TMTC1: variants seen among roughly 807,000 people sequenced by gnomAD.
The protein encoded by TMTC1 is transmembrane O-mannosyltransferase targeting cadherins 1, also known as protein O-mannosyl-transferase TMTC1.
TMTC1 carries 73 observed loss-of-function variants against 104.8 expected under a neutral mutation model. That is an observed-to-expected ratio of 0.70 (90% confidence interval 0.58 to 0.85). The LOEUF (loss-of-function observed/expected upper bound fraction) is 0.85. Ranked by LOEUF, TMTC1 falls within the 40% of genes least tolerant of loss-of-function variation. The pLI is 0.00. For synonymous variants in TMTC1, 434 were observed against 428.7 expected (o/e 1.01, Z -0.15); for missense variants, 1,035 against 1,096.1 (o/e 0.94, Z 0.79).
At chr12:29,582,614 A>G (rs1009480640) in intron 8 of TMTC1, among the ~76,000 whole-genome samples, 1 of 151,998 alleles carries the variant, frequency 6.6e-6, no homozygotes, top group Non-Finnish European at 1.5e-5. Context: ...ACTTCCCTTA[A>G]TTCTGTATGC....
In TMTC1 at chr12:29,520,736, A is replaced by C. The variant is rs774198932; in HGVS notation, c.1786-16T>G. The C allele has an allele frequency of 2.5e-6, 4 of 1,591,496 alleles. No homozygotes were observed. The highest frequency in any genetic ancestry group is 2.6e-6 in the Non-Finnish European group (3 of 1,168,166). On this transcript the variant is annotated splice_polypyrimidine_tract_variant and intron_variant, in intron 11 of 17. Coordinates refer to ENST00000539277, the MANE Select transcript of TMTC1 (RefSeq NM_001193451.2). ...TAAACCGCTCCTTTAAAAAGAAAGA[A>C]ACAAACAAAATAAGTGAGAAAGCTT...
chr12:29,681,994 T>C (rs1010981633), intron 5 of TMTC1, among the ~76,000 whole-genome samples: 1 of 152,168 alleles, frequency 6.6e-6, no homozygotes, highest in Non-Finnish European at 1.5e-5. Flanking sequence ...CAGTGTTTTT[T>C]AAGGATACTT....
At position 29,506,947 on chromosome 12, in the gene TMTC1, A is replaced by T; in HGVS notation, c.2548T>A (p.Leu850Ile). The change falls in exon 18 of 18, where the codon TTA becomes ATA. Residue 850 changes from leucine to isoleucine, a missense_variant. Transcript: ENST00000539277. ...VSARAYYERALQLVPDSKLLK... is the reference protein window; with the variant it reads ...VSARAYYERAIQLVPDSKLLK... ...AGTTTGCTGTCTGGAACCAGCTGTAAGGCTCTCTCATAATAAGCTCTTGCA... is the reference window on the plus strand; with the variant it reads ...AGTTTGCTGTCTGGAACCAGCTGTATGGCTCTCTCATAATAAGCTCTTGCA... The T allele has an allele frequency of 1.2e-6, 2 of 1,614,042 alleles. No homozygotes were observed. The highest frequency in any genetic ancestry group is 2.2e-5 in the South Asian group (2 of 91,078).
intron 5 of TMTC1, among the ~76,000 whole-genome samples, chr12:29,670,173 TA>T (rs1211615027): frequency 1.3e-5 from 2 of 152,252 alleles, no homozygotes; most frequent in Non-Finnish European, 2.9e-5. Flanking sequence ...ACTATAATGA[TA>T]TTTTCTGATC....
intron 5 of TMTC1, among the ~76,000 whole-genome samples, chr12:29,695,585 G>A (rs551201262): frequency 3.3e-5 from 5 of 151,680 alleles, no homozygotes; most frequent in South Asian, 2.1e-4. Context: ...GATTACAGGC[G>A]TGAGCCACCG....
intron 5 of TMTC1, among the ~76,000 whole-genome samples, chr12:29,713,091 C>A (rs1048250300): frequency 1.3e-5 from 2 of 151,838 alleles, no homozygotes; most frequent in African/African-American, 2.4e-5. Flanking sequence ...GAAAAAGACT[C>A]AGGTCCCCCA....
rs541037508 is a variant in TMTC1, at chr12:29,663,650, A to G, written c.939-30314T>C. Among the ~76,000 whole-genome samples, 9 of 151,272 alleles carry G rather than the reference A, an allele frequency of 5.9e-5. No individual in the cohort carries two copies. The South Asian group carries it at 6.3e-4, about 11-fold the overall frequency. On this transcript the variant is annotated intron_variant, in intron 5 of 17. Coordinates refer to ENST00000539277, the MANE Select transcript of TMTC1 (RefSeq NM_001193451.2). ...TCCTGCCTCATCCTCATGAGTAGCTAGGATTACAGGAGCCCGCCACCATGC... is the reference window on the plus strand; with the variant it reads ...TCCTGCCTCATCCTCATGAGTAGCTGGGATTACAGGAGCCCGCCACCATGC...
chr12:29,582,801 C>T (rs913733709), intron 8 of TMTC1, among the ~76,000 whole-genome samples: 16 of 152,150 alleles, frequency 1.1e-4, no homozygotes, highest in African/African-American at 3.6e-4. Flanking sequence ...GGAAGAGGCC[C>T]AGACTGGGGA....
intron 17 of TMTC1, among the ~76,000 whole-genome samples, chr12:29,509,473 G>T (rs1035640654): frequency 2.2e-4 from 33 of 152,150 alleles, no homozygotes; most frequent in African/African-American, 7.7e-4. Flanking sequence ...CTTCCCCCAG[G>T]TTTGGGGAAG....
intron 2 of TMTC1, among the ~76,000 whole-genome samples, chr12:29,760,003 T>C (rs1166524858): frequency 6.6e-6 from 1 of 152,230 alleles, no homozygotes; most frequent in Non-Finnish European, 1.5e-5. Context: ...AAGATTATAA[T>C]ACCATATTTC....
intron 5 of TMTC1, among the ~76,000 whole-genome samples, chr12:29,666,524 C>T (rs1381379512): frequency 6.6e-6 from 1 of 152,076 alleles, no homozygotes; most frequent in African/African-American, 2.4e-5. Context: ...TGAGCCACCA[C>T]ACCCGGCCTA....
At chr12:29,661,136 G>GT (rs1317510553) in intron 5 of TMTC1, among the ~76,000 whole-genome samples, 1 of 152,102 alleles carries the variant, frequency 6.6e-6, no homozygotes, top group African/African-American at 2.4e-5. Flanking sequence ...GACAATAATA[G>GT]TATCTACCTC....
intron 10 of TMTC1, among the ~76,000 whole-genome samples, chr12:29,550,909 G>C (rs549847348): frequency 8.1e-6 from 1 of 123,774 alleles, no homozygotes; most frequent in East Asian, 2.6e-4. Context: ...ACTCCAGCCT[G>C]GGGGAGAGAG....
At chr12:29,707,904 T>G (rs2136825165) in intron 5 of TMTC1, among the ~76,000 whole-genome samples, 1 of 152,330 alleles carries the variant, frequency 6.6e-6, no homozygotes, top group African/African-American at 2.4e-5. Context: ...GCCACAGTGT[T>G]TTTTGTTTCT....
chr12:29,691,504 C>T (rs1409051106), intron 5 of TMTC1, among the ~76,000 whole-genome samples: 1 of 146,636 alleles, frequency 6.8e-6, no homozygotes, highest in South Asian at 2.2e-4. Flanking sequence ...CATTGAAATT[C>T]CCCTGTCTTG....
chr12:29,675,360 T>A (rs1206686809), intron 5 of TMTC1, among the ~76,000 whole-genome samples: 1 of 152,196 alleles, frequency 6.6e-6, no homozygotes, highest in Non-Finnish European at 1.5e-5. Context: ...TACATGAAGC[T>A]GGATTTTCAT....
intron 11 of TMTC1, among the ~76,000 whole-genome samples, chr12:29,522,707 A>G (rs183257716): frequency 9.3e-4 from 142 of 152,306 alleles, no homozygotes; most frequent in Non-Finnish European, 1.7e-3. Flanking sequence ...CAATGGCTAT[A>G]GAAGTATGAC....
At chr12:29,547,218 C>T (rs1944966294) in intron 10 of TMTC1, among the ~76,000 whole-genome samples, 5 of 152,194 alleles carry the variant, frequency 3.3e-5, no homozygotes, top group Admixed American at 3.3e-4. Flanking sequence ...CAGGGGATTC[C>T]TCAAAGCTTG....
intron 4 of TMTC1, 107 bp from the exon 5 acceptor site, chr12:29,751,979 A>G (rs1005590278): frequency 1.1e-5 from 11 of 1,017,668 alleles, no homozygotes; most frequent in Admixed American, 5.8e-5. Flanking sequence ...TCCTGGAAAC[A>G]ACCATTCTCA....
Sources: gnomAD v4.1 joint callset for allele counts (sites outside exome capture counted in the v4.1 genomes callset) on GRCh38, gnomAD v4.1.1 for gene constraint, MANE v1.5 for transcripts, NCBI Gene and HGNC (gene_info 2026-07-23, HGNC 2026-07-21) for gene names.